DMD: variants seen among roughly 807,000 people sequenced by gnomAD.
DMD encodes dystrophin, also known as mutant dystrophin.
A neutral mutation model predicts 330.1 loss-of-function variants in DMD; 63 were observed. That is an observed-to-expected ratio of 0.19 (90% CI 0.16 to 0.24). The LOEUF is 0.24. Among genes scored for constraint, DMD ranks in the 10% least tolerant of loss-of-function variants. The probability of loss-of-function intolerance (pLI) is 1.00; values close to 1 mark genes in which losing one functional copy is unlikely to be tolerated. For synonymous variants in DMD, 1,223 were observed against 959.8 expected, an observed-to-expected ratio of 1.27 and a Z score of -5.07; for missense variants, 3,344 against 2,684.1, an observed-to-expected ratio of 1.25 and a Z score of -5.43.
intron 47 of DMD, among the ~76,000 whole-genome samples, chrX:31,929,278 A>T (rs1364754338): frequency 1.8e-5 from 2 of 111,908 alleles, no homozygotes; most frequent in Non-Finnish European, 3.8e-5. Flanking sequence ...TTCAGCTTAA[A>T]TACTGTCAGT....
intron 7 of DMD, among the ~76,000 whole-genome samples, chrX:32,771,864 A>G (rs1217204851): frequency 8.9e-6 from 1 of 111,942 alleles, no homozygotes; most frequent in African/African-American, 3.2e-5. Context: ...GGATGGGCTC[A>G]ACATCTAAGT....
At chrX:32,623,778 C>T (rs188531810) in intron 11 of DMD, among the ~76,000 whole-genome samples, 2 of 111,117 alleles carry the variant, frequency 1.8e-5, no homozygotes, top group African/African-American at 6.6e-5. Flanking sequence ...CCTCCTGCCT[C>T]GACCTCCCAA....
chrX:32,701,809 T>C (rs927753894), intron 7 of DMD, among the ~76,000 whole-genome samples: 5 of 111,818 alleles, frequency 4.5e-5, no homozygotes, highest in African/African-American at 1.6e-4. Flanking sequence ...CCAAGCATTA[T>C]TTTTATTGCC....
intron 55 of DMD, among the ~76,000 whole-genome samples, chrX:31,527,715 T>C (rs755930841): frequency 5.4e-5 from 6 of 111,480 alleles, no homozygotes; most frequent in Non-Finnish European, 1.1e-4. Context: ...GCTTCAAAAG[T>C]GGTAGCGTCT....
rs760770635 is a variant in DMD at position 32,343,385 on chromosome X, T to G, written c.5587-99A>C. 5.4e-5 allele frequency: 43 copies of G among 795,996 alleles called. No individual in the cohort carries two copies. The African/African-American group carries it at 7.4e-4, about 14-fold the overall frequency. The allele number at this position is 795,996 out of a possible 1,213,427, so 65.6% of individuals were successfully genotyped here. On this transcript the variant is annotated intron_variant, in intron 39 of 78. Transcript: ENST00000357033. ...AAATAATTTGCGTCCCTCATCTTTTTGTACAACTTAGGTTAAAATCATATT... is the reference window on the plus strand; with the variant it reads ...AAATAATTTGCGTCCCTCATCTTTTGGTACAACTTAGGTTAAAATCATATT...
At position 32,441,316 on chromosome X, in the gene DMD, T is replaced by A. The variant is rs1474837238; in HGVS notation, c.3787-2A>T. 8.3e-7 allele frequency: 1 copy of A among 1,204,922 alleles called. No individual in the cohort carries two copies. Among genetic ancestry groups the A allele is most frequent in the African/African-American group, 1.7e-5 (1 of 57,602 alleles). ...CTCATGCCAACATGCCCAAACTTCCTAAGAAAGAAATATATATCACAGATT... is the reference window on the plus strand; with the variant it reads ...CTCATGCCAACATGCCCAAACTTCCAAAGAAAGAAATATATATCACAGATT... On this transcript the variant is annotated splice_acceptor_variant, in intron 27 of 78. Transcript: ENST00000357033. LOFTEE classifies it high-confidence loss of function.
chrX:32,534,263 C>T (rs1389100139), intron 17 of DMD, among the ~76,000 whole-genome samples: 1 of 111,608 alleles, frequency 9.0e-6, no homozygotes, highest in Non-Finnish European at 1.9e-5. Context: ...TTTGGATATT[C>T]GTCCCTTCCC....
chrX:31,590,706 A>C (rs1288482577), intron 55 of DMD, among the ~76,000 whole-genome samples: 1 of 111,653 alleles, frequency 9.0e-6, no homozygotes, highest in African/African-American at 3.2e-5. Flanking sequence ...GCGCTTTTAA[A>C]ATAGGCTTGG....
At chrX:31,971,593 G>A (rs1307103441) in intron 44 of DMD, among the ~76,000 whole-genome samples, 1 of 111,119 alleles carries the variant, frequency 9.0e-6, no homozygotes, top group Non-Finnish European at 1.9e-5. Context: ...CCTGCTCAAG[G>A]AGAGTTTTCA....
chrX:32,565,621 T>G, intron 16 of DMD, 81 bp downstream of exon 16: 2 of 998,407 alleles, frequency 2.0e-6, no homozygotes, highest in Non-Finnish European at 2.8e-6. Flanking sequence ...GCTTCTTTTG[T>G]AGGGTTATAA....
chrX:31,444,330 G>T, intron 60 of DMD, 151 bp downstream of exon 60: 1 of 647,913 alleles, frequency 1.5e-6, no homozygotes, highest in South Asian at 2.7e-5. Context: ...AAAATGTTTA[G>T]ATGGGAATTA....
chrX:33,062,922 A>C (rs768825113), intron 1 of DMD, among the ~76,000 whole-genome samples: 1 of 112,380 alleles, frequency 8.9e-6, no homozygotes, highest in Non-Finnish European at 1.9e-5. Context: ...AGCAGATTGG[A>C]AATTATGGCA....
In DMD at chrX:31,201,158, T is replaced by C. The variant is rs1304604864; in HGVS notation, c.9807+2803A>G. ...CTAGGCAACATGGCGAGAGACCCTG[T>C]ACACACACACACACACACACACACA... On this transcript the variant is annotated intron_variant, in intron 67 of 78. Transcript: ENST00000357033. Among the ~76,000 whole-genome samples, 8 of 98,309 alleles carry C rather than the reference T, an allele frequency of 8.1e-5. No homozygotes were observed. In the South Asian group the frequency reaches 3.4e-3, roughly 42 times the overall value. The allele number at this position is 98,309 out of a possible 115,157, so 85.4% of individuals were successfully genotyped here.
At chrX:32,627,536 CCCAATTT>C (rs1263333270) in intron 11 of DMD, among the ~76,000 whole-genome samples, 1,105 of 98,953 alleles carry the variant, frequency 0.011, 50 homozygotes, top group African/African-American at 0.052. Flanking sequence ...TGATATTAGC[CCCAATTT>C]ACAGGTGGGG....
intron 55 of DMD, among the ~76,000 whole-genome samples, chrX:31,566,959 AT>A (rs776830184): frequency 2.7e-5 from 3 of 111,449 alleles, no homozygotes; most frequent in African/African-American, 9.7e-5. Context: ...TTTTGACTTT[AT>A]GATGGGTTTA....
chrX:33,038,802 G>T (rs768353061), intron 1 of DMD, among the ~76,000 whole-genome samples: 1 of 110,946 alleles, frequency 9.0e-6, no homozygotes, highest in African/African-American at 3.3e-5. Flanking sequence ...AGACCAGCTT[G>T]GCCAACATGG....
At chrX:31,706,432 CT>C (rs1418190588) in intron 52 of DMD, among the ~76,000 whole-genome samples, 1 of 111,590 alleles carries the variant, frequency 9.0e-6, no homozygotes, top group African/African-American at 3.3e-5. Context: ...AAAGGAGCTC[CT>C]TTACTAATTA....
At chrX:32,311,188 G>T (rs1175607361) in intron 41 of DMD, among the ~76,000 whole-genome samples, 1 of 111,324 alleles carries the variant, frequency 9.0e-6, no homozygotes, top group East Asian at 2.8e-4. Flanking sequence ...CAATAACTTT[G>T]TCTAGAATTG....
chrX:32,218,711 C>G (rs1303922253), intron 43 of DMD, among the ~76,000 whole-genome samples: 1 of 111,661 alleles, frequency 9.0e-6, no homozygotes, highest in Non-Finnish European at 1.9e-5. Context: ...TACAATAACC[C>G]TGCAGCATAA....
Sources: gnomAD v4.1 joint callset for allele counts (sites outside exome capture counted in the v4.1 genomes callset) on GRCh38, gnomAD v4.1.1 for gene constraint, MANE v1.5 for transcripts, NCBI Gene and HGNC (gene_info 2026-07-23, HGNC 2026-07-21) for gene names.